Variants in SEC16B observed in about 807,000 individuals in gnomAD.
SEC16B encodes protein transport protein Sec16B.
In SEC16B, 115 loss-of-function variants were observed where a neutral mutation model predicts 141.8. The ratio of observed to expected loss-of-function variants is 0.81; its 90% CI spans 0.70 to 0.95. The LOEUF is 0.95. SEC16B is among the 40% of genes least tolerant of loss of function. The pLI is 0.00. For missense variants in SEC16B, 1,291 were observed against 1,312.3 expected (o/e 0.98, Z 0.25); for synonymous variants, 493 against 492.5 (o/e 1.00, Z -0.01).
chr1:177,982,045 G>A (rs1654440203), intron 1 of SEC16B, among the ~76,000 whole-genome samples: 1 of 152,132 alleles, frequency 6.6e-6, no homozygotes, highest in Non-Finnish European at 1.5e-5. Flanking sequence ...AGACTAAGAA[G>A]GCAAAGTCAG....
At chr1:177,976,452 G>T (rs564663866) in intron 1 of SEC16B, among the ~76,000 whole-genome samples, 1 of 152,292 alleles carries the variant, frequency 6.6e-6, no homozygotes, top group South Asian at 2.1e-4. Context: ...TCTCTCAGCT[G>T]CAGGTCGACA....
At chr1:177,973,357 T>C (rs1557996339), upstream of SEC16B, 1 of 152,218 alleles carries the variant, frequency 6.6e-6, no homozygotes, top group Non-Finnish European at 1.5e-5. Context: ...TACATCAACG[T>C]GTTATCAGTA....
chr1:177,967,669 C>A lies in SEC16B; in HGVS notation c.299+14G>T, dbSNP rs771793218. 1.3e-6 allele frequency: 2 copies of A among 1,571,746 alleles called. No homozygotes were observed. Among genetic ancestry groups the A allele is most frequent in the Non-Finnish European group, 1.7e-6 (2 of 1,154,472 alleles). On this transcript the variant is annotated intron_variant, in intron 2 of 25. Transcript: ENST00000308284. The stretch of plus-strand genomic sequence containing the variant: ...TTAGGAGAGTTGCATTCATTCCAAG[C>A]CCTAAAGCCATACCTTGAATACAAC...
intron 12 of SEC16B, among the ~76,000 whole-genome samples, chr1:177,949,564 A>G (rs148645980): frequency 1.5e-3 from 221 of 152,216 alleles, no homozygotes; most frequent in Non-Finnish European, 1.3e-3. Flanking sequence ...ACATTTATTA[A>G]TTAACGAAAA....
intron 15 of SEC16B, among the ~76,000 whole-genome samples, chr1:177,943,994 G>A (rs1651478652): frequency 6.6e-6 from 1 of 152,220 alleles, no homozygotes; most frequent in Admixed American, 6.5e-5. Context: ...CTTTACGAAT[G>A]TAAGGTGACA....
intron 5 of SEC16B, among the ~76,000 whole-genome samples, chr1:177,962,483 T>C (rs1653152947): frequency 6.7e-6 from 1 of 150,302 alleles, no homozygotes. Flanking sequence ...TCACCTGTAA[T>C]CCCAGCACTT....
At chr1:177,950,146 A>G (rs1034952232) in intron 12 of SEC16B, among the ~76,000 whole-genome samples, 1 of 77,512 alleles carries the variant, frequency 1.3e-5, no homozygotes, top group African/African-American at 9.8e-5. Context: ...AAGCCATAAG[A>G]AGGATAAAAA....
Position 177,960,862 on chromosome 1 carries a change from G to A in SEC16B, c.865C>T (p.Gln289Ter), listed in dbSNP as rs1334243761. ...HVPVSFGPGG[Q>*]LVHVGPSSPT... ...GAGCTGGGACCTACATGCACCAGCT[G>A]ACCTCCTGGCCCGAAACTCACAGGA... Residue 289 changes from glutamine (Q) to a stop codon, truncating the protein, a stop_gained, in exon 7 of 26, where the codon CAG becomes TAG. Coordinates refer to ENST00000308284, the MANE Select transcript of SEC16B (RefSeq NM_033127.4). LOFTEE classifies it high-confidence loss of function. 2 of 1,613,840 alleles carry A rather than the reference G, an allele frequency of 1.2e-6. No individual in the cohort carries two copies. Among genetic ancestry groups the A allele is most frequent in the South Asian group, 1.1e-5 (1 of 91,050 alleles).
intron 5 of SEC16B, among the ~76,000 whole-genome samples, chr1:177,963,899 A>G (rs1653283271): frequency 6.6e-6 from 1 of 152,134 alleles, no homozygotes; most frequent in African/African-American, 2.4e-5. Flanking sequence ...CTTTCCCAGT[A>G]TGTTGGAGTG....
chr1:177,954,503 T>A, intron 10 of SEC16B, 127 bp from the exon 11 acceptor site: 3 of 687,316 alleles, frequency 4.4e-6, no homozygotes, highest in Non-Finnish European at 7.6e-6. Flanking sequence ...GAGCCTCATA[T>A]AAGAATGTGA....
chr1:177,974,842 A>G (rs1654107018), upstream of SEC16B, among the ~76,000 whole-genome samples: 1 of 152,234 alleles, frequency 6.6e-6, no homozygotes, highest in African/African-American at 2.4e-5. Context: ...GAGACTGGAA[A>G]TACACAATTA....
chr1:177,982,007 G>A (rs1654438877), intron 1 of SEC16B, among the ~76,000 whole-genome samples: 1 of 152,168 alleles, frequency 6.6e-6, no homozygotes, highest in South Asian at 2.1e-4. Flanking sequence ...ATAGTTTAAG[G>A]TAAAAAGCAG....
chr1:177,943,703 G>C (rs1022558108), intron 15 of SEC16B, among the ~76,000 whole-genome samples: 1 of 152,202 alleles, frequency 6.6e-6, no homozygotes, highest in Non-Finnish European at 1.5e-5. Context: ...CCCTGGATTC[G>C]GCTGTGGGAG....
Position 177,944,607 on chromosome 1 carries a change from T to G in SEC16B, c.1835A>C (p.Tyr612Ser). 1.2e-6 allele frequency: 2 copies of G among 1,613,932 alleles called. No homozygotes were observed. Among genetic ancestry groups the G allele is most frequent in the Non-Finnish European group, 8.5e-7 (1 of 1,179,838 alleles). ...TTTGGGGCGGCCCAGCATCTGACAG[T>G]ACTCGAAGATTTCCGTCCTCTGGAT... is the stretch of plus-strand genomic sequence containing the variant. Reference protein sequence around the residue: ...EAIQRTEIFEYCQMLGRPKSF... With the variant: ...EAIQRTEIFESCQMLGRPKSF... Residue 612 changes from tyrosine (Y) to serine (S), a missense_variant, in exon 15 of 26, where the codon TAC (tyrosine) becomes TCC (serine). By Grantham distance (144) the Tyr-to-Ser change is moderately radical. Transcript: ENST00000308284.
At chr1:177,948,457 C>T (rs1183480459) in intron 12 of SEC16B, 38 of 1,303,584 alleles carry the variant, frequency 2.9e-5, no homozygotes, top group East Asian at 5.5e-5. Context: ...CACAGGAACC[C>T]TATGAAGTCT....
intron 10 of SEC16B, among the ~76,000 whole-genome samples, chr1:177,955,001 C>T (rs1235660375): frequency 6.6e-6 from 1 of 152,086 alleles, no homozygotes; most frequent in Non-Finnish European, 1.5e-5. Context: ...AAAAGCCTTT[C>T]TAAATATGAC....
chr1:177,971,892 C>A (rs1170586777), upstream of SEC16B, among the ~76,000 whole-genome samples: 1 of 152,148 alleles, frequency 6.6e-6, no homozygotes, highest in Non-Finnish European at 1.5e-5. Flanking sequence ...TGAAATCCAC[C>A]ATGGTGGGAG....
chr1:177,960,826 C>T lies in SEC16B; in HGVS notation c.901G>A (p.Gly301Arg), dbSNP rs1653001916. ...TGCAGTTCAACAAGGGCTGCTTGCC[C>T]GTCAGTGGGAGAGCTGGGACCTACA... is the stretch of plus-strand genomic sequence containing the variant. ...VHVGPSSPTD[G>R]QAALVELHSM... Residue 301 changes from glycine to arginine, a missense_variant, in exon 7 of 26, where the codon GGG (glycine) becomes AGG (arginine). Physicochemically the swap from Gly to Arg is moderately radical, Grantham distance 125. Coordinates refer to ENST00000308284, the MANE Select transcript of SEC16B (RefSeq NM_033127.4). 33 of 1,611,234 alleles carry T rather than the reference C, an allele frequency of 2.0e-5. No individual in the cohort carries two copies. The East Asian group carries it at 5.4e-4, about 26-fold the overall frequency.
intron 1 of SEC16B, among the ~76,000 whole-genome samples, chr1:177,979,051 C>G (rs1192029787): frequency 6.6e-6 from 1 of 152,102 alleles, no homozygotes; most frequent in Admixed American, 6.6e-5. Context: ...CAGAGTGTGT[C>G]AGTACCAGTC....
Sources: gnomAD v4.1 joint callset for allele counts (sites outside exome capture counted in the v4.1 genomes callset) on GRCh38, gnomAD v4.1.1 for gene constraint, MANE v1.5 for transcripts, NCBI Gene and HGNC (gene_info 2026-07-23, HGNC 2026-07-21) for gene names.